Variants in LDLRAD3 observed in about 807,000 individuals in gnomAD.
The protein encoded by LDLRAD3 is low-density lipoprotein receptor class A domain-containing protein 3.
A neutral mutation model predicts 29.4 loss-of-function variants in LDLRAD3; 20 were observed. The observed-to-expected ratio is 0.68, with a 90% CI of 0.48 to 0.99. LDLRAD3 has a LOEUF of 0.99. Ranked by LOEUF, LDLRAD3 falls within the 50% of genes least tolerant of loss-of-function variation. The probability of loss-of-function intolerance (pLI) is 0.00; values close to 1 mark genes in which losing one functional copy is unlikely to be tolerated. For missense variants in LDLRAD3, 420 were observed against 454.3 expected (o/e 0.92, Z 0.69); for synonymous variants, 157 against 192.7 (o/e 0.81, Z 1.53).
intron 4 of LDLRAD3, among the ~76,000 whole-genome samples, chr11:36,138,675 C>T (rs1253346266): frequency 2.0e-5 from 3 of 152,206 alleles, no homozygotes. Context: ...CCAAGCTGCC[C>T]TTACACATCT....
At chr11:36,203,576 T>G (rs950330555) in intron 4 of LDLRAD3, among the ~76,000 whole-genome samples, 1 of 152,118 alleles carries the variant, frequency 6.6e-6, no homozygotes, top group African/African-American at 2.4e-5. Context: ...TCACTGGTGG[T>G]AAGAGCCGGA....
chr11:35,969,981 T>C (rs1851392327), intron 1 of LDLRAD3, among the ~76,000 whole-genome samples: 1 of 152,168 alleles, frequency 6.6e-6, no homozygotes, highest in Non-Finnish European at 1.5e-5. Context: ...GTTTTTGTTT[T>C]TATGAGGAGC....
chr11:36,214,274 G>T (rs1855323305), intron 4 of LDLRAD3, among the ~76,000 whole-genome samples: 2 of 152,166 alleles, frequency 1.3e-5, no homozygotes. Flanking sequence ...AGAAGTCCTG[G>T]AAGGGCTGTG....
At chr11:35,952,445 G>A (rs571461573) in intron 1 of LDLRAD3, among the ~76,000 whole-genome samples, 1 of 152,286 alleles carries the variant, frequency 6.6e-6, no homozygotes, top group Admixed American at 6.5e-5. Context: ...CTACTCAAAT[G>A]GCCTGTCTTT....
chr11:36,057,553 C>T (rs1169283923), intron 2 of LDLRAD3, among the ~76,000 whole-genome samples: 1 of 152,140 alleles, frequency 6.6e-6, no homozygotes, highest in East Asian at 1.9e-4. Flanking sequence ...GTTGTCAGAT[C>T]CAGCAAATGT....
At chr11:36,183,924 T>C (rs1459527689) in intron 4 of LDLRAD3, 3 of 271,382 alleles carry the variant, frequency 1.1e-5, no homozygotes, top group African/African-American at 2.4e-5. Context: ...TTTTCACTTC[T>C]AGATGTTCTA....
chr11:36,041,470 T>C (rs943211432), intron 2 of LDLRAD3, among the ~76,000 whole-genome samples: 2 of 152,254 alleles, frequency 1.3e-5, no homozygotes, highest in African/African-American at 4.8e-5. Flanking sequence ...ACTGCTATCA[T>C]GACATATTAT....
chr11:36,124,334 T>A (rs1853804174), intron 4 of LDLRAD3, among the ~76,000 whole-genome samples: 1 of 152,214 alleles, frequency 6.6e-6, no homozygotes, highest in African/African-American at 2.4e-5. Flanking sequence ...ATGGAAGCAA[T>A]ATACTATATG....
intron 1 of LDLRAD3, among the ~76,000 whole-genome samples, chr11:36,026,380 C>T (rs558020805): frequency 5.9e-5 from 9 of 152,248 alleles, no homozygotes; most frequent in East Asian, 1.9e-4. Flanking sequence ...CTCTTGCTGT[C>T]GCCCTGTGCA....
chr11:36,098,577 T>C, intron 4 of LDLRAD3, 116 bp downstream of exon 4: 1 of 1,245,082 alleles, frequency 8.0e-7, no homozygotes, highest in Non-Finnish European at 1.1e-6. Context: ...GCTCTGTTAG[T>C]TTTTGCACTC....
In LDLRAD3 at chr11:36,213,072, G is replaced by A. The variant is rs1454982782; in HGVS notation, c.455-14013G>A. On this transcript the variant is annotated intron_variant, in intron 4 of 5. Coordinates refer to ENST00000315571, the MANE Select transcript of LDLRAD3 (RefSeq NM_174902.4). The surrounding 1 kb of genome is among the most constrained non-coding windows in gnomAD (Gnocchi z 4.1). ...CCACCCCTCTCTTTCTCTCCCCCTC[G>A]CTCCCTCCCTCTCTCCCTCCCTGTT... 3.0e-5 allele frequency among the ~76,000 whole-genome samples: 3 copies of A among 98,786 alleles called. No homozygotes were observed. The highest frequency in any genetic ancestry group is 4.2e-5 in the African/African-American group (1 of 23,796). The allele number at this position is 98,786 out of a possible 152,430, so 64.8% of individuals were successfully genotyped here.
At chr11:36,207,222 G>A (rs960662781) in intron 4 of LDLRAD3, among the ~76,000 whole-genome samples, 2 of 152,132 alleles carry the variant, frequency 1.3e-5, no homozygotes, top group Non-Finnish European at 2.9e-5. Context: ...TCCTGGGCAC[G>A]TGGACTTCTC....
intron 1 of LDLRAD3, among the ~76,000 whole-genome samples, chr11:36,018,356 G>A (rs556956554): frequency 6.6e-6 from 1 of 152,228 alleles, no homozygotes; most frequent in Non-Finnish European, 1.5e-5. Flanking sequence ...CCTCAAGCTC[G>A]ATCCTGTTCA....
chr11:35,964,075 A>T (rs1341065483), intron 1 of LDLRAD3, among the ~76,000 whole-genome samples: 1 of 152,186 alleles, frequency 6.6e-6, no homozygotes, highest in African/African-American at 2.4e-5. Flanking sequence ...GTCCCAGAGG[A>T]GAGAAACTAT....
At chr11:35,960,729 T>C (rs891799805) in intron 1 of LDLRAD3, among the ~76,000 whole-genome samples, 3 of 152,210 alleles carry the variant, frequency 2.0e-5, no homozygotes, top group Non-Finnish European at 4.4e-5. Flanking sequence ...CCTTAGTAGC[T>C]GGGATTATAG....
chr11:35,955,950 A>G (rs1484186636), intron 1 of LDLRAD3, among the ~76,000 whole-genome samples: 1 of 152,214 alleles, frequency 6.6e-6, no homozygotes, highest in Non-Finnish European at 1.5e-5. Context: ...CTGGATCTAC[A>G]GAAGTGCTCA....
intron 4 of LDLRAD3, among the ~76,000 whole-genome samples, chr11:36,188,307 C>T (rs759378288): frequency 4.1e-5 from 6 of 144,638 alleles, no homozygotes; most frequent in Non-Finnish European, 7.5e-5. Flanking sequence ...TGTTTCCTTC[C>T]TCTAAAAGAA....
intron 4 of LDLRAD3, among the ~76,000 whole-genome samples, chr11:36,202,361 A>G (rs1855139566): frequency 1.3e-5 from 2 of 152,156 alleles, no homozygotes; most frequent in African/African-American, 4.8e-5. Flanking sequence ...TCTATAATGC[A>G]GGATGTAGGA....
chr11:36,130,260 A>AG (rs920280231), intron 4 of LDLRAD3, among the ~76,000 whole-genome samples: 3 of 152,202 alleles, frequency 2.0e-5, no homozygotes, highest in Non-Finnish European at 4.4e-5. Flanking sequence ...AAGACCCTGA[A>AG]GAGAAGAGTC....
Sources: gnomAD v4.1 joint callset for allele counts (sites outside exome capture counted in the v4.1 genomes callset) on GRCh38, gnomAD v4.1.1 for gene constraint, Gnocchi (gnomAD v3.1) non-coding constraint, MANE v1.5 for transcripts, NCBI Gene and HGNC (gene_info 2026-07-23, HGNC 2026-07-21) for gene names.